Variants in NCAPH2 observed in about 807,000 individuals in gnomAD.
NCAPH2 encodes the protein condensin-2 complex subunit H2.
NCAPH2 carries 56 observed loss-of-function variants against 88.6 expected under a neutral mutation model. The ratio of observed to expected loss-of-function variants is 0.63; its 90% confidence interval spans 0.51 to 0.79. The LOEUF is 0.79. Ranked by LOEUF, NCAPH2 falls within the 30% of genes least tolerant of loss-of-function variation. The pLI is 0.00. For synonymous variants in NCAPH2, 378 were observed against 313.6 expected (o/e 1.21, Z -2.17); for missense variants, 794 against 792.0 (o/e 1.00, Z -0.03).
chr22:50,524,243 GC>G lies in NCAPH2; in HGVS notation c.*871del. 1 of 1,606,396 alleles carries G rather than the reference GC, an allele frequency of 6.2e-7. No individual in the cohort carries two copies. ...CCTGTGATCAGCAGCCGGGTTCGAA[GC>G]CCAGGGCCCTGGGGCTGGCCCTGCC... On this transcript the variant is annotated 3_prime_UTR_variant, in exon 20 of 20. Transcript: ENST00000420993.
At chr22:50,511,997 A>T (rs1197600140) in intron 1 of NCAPH2, among the ~76,000 whole-genome samples, 1 of 152,170 alleles carries the variant, frequency 6.6e-6, no homozygotes, top group Non-Finnish European at 1.5e-5. Flanking sequence ...CATGTTGGCC[A>T]GGCTGGTCTT....
intron 9 of NCAPH2, chr22:50,519,748 C>G (rs1398281810): frequency 9.9e-7 from 1 of 1,012,758 alleles, no homozygotes; most frequent in Non-Finnish European, 1.2e-6. Context: ...ACAAAATCAA[C>G]CTGATGCATA....
Position 50,508,650 on chromosome 22 carries a change from C to CTGTCAT in NCAPH2, c.108+208_108+213dup, listed in dbSNP as rs1008598764. Among the ~76,000 whole-genome samples, 35 of 152,210 alleles carry CTGTCAT rather than the reference C, an allele frequency of 2.3e-4. 1 individual carries two copies. The highest frequency in any genetic ancestry group is 5.0e-4 in the Non-Finnish European group (34 of 68,038). ...CATCCCTTGTTGGATTAGCGTGGAC[C>CTGTCAT]TGTCATTGCAGGTTTCTACCCGTCA... On this transcript the variant is annotated intron_variant, in intron 1 of 19. Transcript: ENST00000420993.
chr22:50,523,356 C>T lies in NCAPH2; in HGVS notation c.1799C>T (p.Pro600Leu). ...AAGCGCTTCCAGACCTACGCTGCCCCCTCCATGGCCCAGCCCTGAGTGGGG... is the reference window on the plus strand; with the variant it reads ...AAGCGCTTCCAGACCTACGCTGCCCTCTCCATGGCCCAGCCCTGAGTGGGG... ...AHKRFQTYAA[P>L]SMAQP Residue 600 changes from proline (P) to leucine (L), a missense_variant, in exon 20 of 20, where the codon CCC becomes CTC. This residue lies in a region of NCAPH2 where 735 missense variants were observed against 696.3 expected (regional missense o/e 1.06). Coordinates refer to ENST00000420993, the MANE Select transcript of NCAPH2 (RefSeq NM_152299.4). 1.3e-6 allele frequency: 2 copies of T among 1,552,930 alleles called. No individual in the cohort carries two copies. The highest frequency in any genetic ancestry group is 1.7e-6 in the Non-Finnish European group (2 of 1,148,662).
At chr22:50,511,791 G>A (rs1272907916) in intron 1 of NCAPH2, among the ~76,000 whole-genome samples, 1 of 149,846 alleles carries the variant, frequency 6.7e-6, no homozygotes, top group Non-Finnish European at 1.5e-5. Flanking sequence ...GATTACAGGC[G>A]CCCGCCACCA....
Position 50,523,344 on chromosome 22 carries a change from C to A in NCAPH2, c.1787C>A (p.Thr596Asn). Residue 596 changes from threonine to asparagine, a missense_variant, in exon 20 of 20, where the codon ACC becomes AAC. Thr to Asn is a moderately conservative substitution (Grantham distance 65). Transcript: ENST00000420993. ...THQRAHKRFQ[T>N]YAAPSMAQP ...CAGCGAGCGCACAAGCGCTTCCAGA[C>A]CTACGCTGCCCCCTCCATGGCCCAG... is the stretch of plus-strand genomic sequence containing the variant. 1 of 1,559,552 alleles carries A rather than the reference C, an allele frequency of 6.4e-7. No individual in the cohort carries two copies.
rs1222624068 is a variant in NCAPH2, at chr22:50,517,610, C to T, written c.300C>T (p.Asp100=). Residue 100 remains aspartate (D), a synonymous_variant, in exon 4 of 20, where the codon GAC becomes GAT. Transcript: ENST00000420993. The stretch of plus-strand genomic sequence containing the variant: ...AGCAGCTCTCTTCGGTGCAGGAGGA[C>T]AGGGCCAATGGGGTTGCCAGCTCCG... ...RAKQLSSVQE[D]RANGVASSGV... 1.2e-6 allele frequency: 2 copies of T among 1,614,136 alleles called. No homozygotes were observed. Among genetic ancestry groups the T allele is most frequent in the Middle Eastern group, 3.3e-4 (2 of 6,062 alleles).
At chr22:50,517,703 G>A in intron 4 of NCAPH2, 38 bp from the exon 5 acceptor site, 3 of 1,614,098 alleles carry the variant, frequency 1.9e-6, no homozygotes, top group Non-Finnish European at 2.5e-6. Context: ...CTGTGTGTTT[G>A]CCTGGGCTCC....
chr22:50,517,481 A>G lies in NCAPH2; in HGVS notation c.265A>G (p.Arg89Gly). The G allele has an allele frequency of 6.2e-7, 1 of 1,614,028 alleles. No homozygotes were observed. Among genetic ancestry groups the G allele is most frequent in the Non-Finnish European group, 8.5e-7 (1 of 1,180,018 alleles). The stretch of plus-strand genomic sequence containing the variant: ...GGCCCTTGATTTCATCTCTGGAAAG[A>G]GGTGAGTTCTGCAGCCACTCACTGT... ...YQALDFISGK[R>G]RAKQLSSVQE... The change falls in exon 3 of 20, where the codon AGG becomes GGG. Residue 89 changes from arginine to glycine, a missense_variant and splice_region_variant. Physicochemically the swap from Arg to Gly is moderately radical, Grantham distance 125. Around this residue, in one of 2 missense-constraint regions of NCAPH2, gnomAD observed 735 missense variants for 696.3 expected, o/e 1.06. Coordinates refer to ENST00000420993, the MANE Select transcript of NCAPH2 (RefSeq NM_152299.4).
intron 9 of NCAPH2, 87 bp downstream of exon 9, chr22:50,519,407 A>G (rs1320258528): frequency 1.3e-6 from 2 of 1,565,732 alleles, no homozygotes; most frequent in African/African-American, 1.4e-5. Context: ...CAAGGAGGAC[A>G]GTGGTATGGC....
intron 1 of NCAPH2, among the ~76,000 whole-genome samples, chr22:50,513,556 C>A (rs952504582): frequency 6.6e-6 from 1 of 152,172 alleles, no homozygotes; most frequent in African/African-American, 2.4e-5. Context: ...GTCAGGAGTT[C>A]GAGATGAGTC....
At position 50,523,902 on chromosome 22, in the gene NCAPH2, C is replaced by T; in HGVS notation, c.*527C>T. 6.2e-7 allele frequency: 1 copy of T among 1,613,804 alleles called. No homozygotes were observed. Among genetic ancestry groups the T allele is most frequent in the Non-Finnish European group, 8.5e-7 (1 of 1,179,978 alleles). On this transcript the variant is annotated 3_prime_UTR_variant, in exon 20 of 20. Transcript: ENST00000420993. ...GGGCCATGGCTTCAACGTCGTCCCG[C>T]TCGGGGTCCACAGTGATGAAGACAG...
Position 50,519,216 on chromosome 22 carries a change from C to G in NCAPH2, c.757C>G (p.Leu253Val). Residue 253 changes from leucine to valine, a missense_variant, in exon 9 of 20, where the codon CTG (leucine) becomes GTG (valine). Around this residue, in one of 2 missense-constraint regions of NCAPH2, gnomAD observed 735 missense variants for 696.3 expected, o/e 1.06. Coordinates refer to ENST00000420993, the MANE Select transcript of NCAPH2 (RefSeq NM_152299.4). Reference protein sequence around the residue: ...PGPSPEGPMPLGGGEDEDAEE... With the variant: ...PGPSPEGPMPVGGGEDEDAEE... ...CCCCTCTCCAGAAGGCCCGATGCCCCTGGGTGGGGGCGAGGACGAGGATGC... is the reference window on the plus strand; with the variant it reads ...CCCCTCTCCAGAAGGCCCGATGCCCGTGGGTGGGGGCGAGGACGAGGATGC... The G allele has an allele frequency of 1.2e-6, 2 of 1,610,900 alleles. No individual in the cohort carries two copies. The highest frequency in any genetic ancestry group is 1.7e-6 in the Non-Finnish European group (2 of 1,179,174).
intron 1 of NCAPH2, among the ~76,000 whole-genome samples, chr22:50,510,188 T>C (rs532847547): frequency 1.5e-3 from 226 of 152,316 alleles, no homozygotes; most frequent in Admixed American, 3.5e-3. Flanking sequence ...CCCAAAGTGC[T>C]GGGATTACAG....
At position 50,514,800 on chromosome 22, in the gene NCAPH2, T is replaced by A. The variant is rs550574087; in HGVS notation, c.109-1647T>A. 2.6e-5 allele frequency among the ~76,000 whole-genome samples: 4 copies of A among 152,368 alleles called. No individual in the cohort carries two copies. In the East Asian group the frequency reaches 7.7e-4, roughly 29 times the overall value. On this transcript the variant is annotated intron_variant, in intron 1 of 19. Transcript: ENST00000420993. ...ACACCCTTTATCCTTCAAGAGCTAA[T>A]GGAAGTGACTCCCCTTGGGGATGGC...
chr22:50,514,171 G>A (rs888366421), intron 1 of NCAPH2, among the ~76,000 whole-genome samples: 1 of 152,150 alleles, frequency 6.6e-6, no homozygotes, highest in Admixed American at 6.6e-5. Context: ...AGGAGGGCAG[G>A]CAGCTGGAGA....
chr22:50,518,589 G>C (rs746676577), intron 7 of NCAPH2, 60 bp from the exon 8 acceptor site: 1 of 1,501,986 alleles, frequency 6.7e-7, no homozygotes, highest in Admixed American at 2.0e-5. Context: ...GTTGAACACC[G>C]GGCAGGGACC....
intron 8 of NCAPH2, 77 bp downstream of exon 8, chr22:50,518,809 G>A (rs1229189812): frequency 1.5e-6 from 2 of 1,350,826 alleles, no homozygotes; most frequent in African/African-American, 1.5e-5. Context: ...AGTGGACAGG[G>A]CTCCAAGGGG....
In NCAPH2 at chr22:50,523,126, C is replaced by G. The variant is rs143230553; in HGVS notation, c.1637C>G (p.Ala546Gly). Reference sequence around the variant, plus strand: ...GCGGAGCTGGTGGCTGGCCAGCCGGCCTTCGAGGTGTGTCGTTCCATGCTG... The same window carrying G: ...GCGGAGCTGGTGGCTGGCCAGCCGGGCTTCGAGGTGTGTCGTTCCATGCTG... Reference protein sequence around the residue: ...PFAELVAGQPAFEVCRSMLAS... With the variant: ...PFAELVAGQPGFEVCRSMLAS... Residue 546 changes from alanine (A) to glycine (G), a missense_variant, in exon 19 of 20, where the codon GCC becomes GGC. Around this residue, in one of 2 missense-constraint regions of NCAPH2, gnomAD observed 735 missense variants for 696.3 expected, o/e 1.06. Coordinates refer to ENST00000420993, the MANE Select transcript of NCAPH2 (RefSeq NM_152299.4). 1.2e-6 allele frequency: 2 copies of G among 1,613,598 alleles called. No homozygotes were observed. Among genetic ancestry groups the G allele is most frequent in the South Asian group, 2.2e-5 (2 of 91,042 alleles).
Sources: gnomAD v4.1 joint callset for allele counts (sites outside exome capture counted in the v4.1 genomes callset) on GRCh38, gnomAD v4.1.1 for gene constraint, gnomAD v4.1.1 regional missense constraint, MANE v1.5 for transcripts, NCBI Gene and HGNC (gene_info 2026-07-23, HGNC 2026-07-21) for gene names.